Variants in IL1RAPL1 observed in about 807,000 individuals in gnomAD.
The protein encoded by IL1RAPL1 is interleukin-1 receptor accessory protein-like 1.
In IL1RAPL1, 3 loss-of-function variants were observed where a neutral mutation model predicts 48.4. That is an observed-to-expected ratio of 0.06 (90% CI 0.03 to 0.16). The LOEUF is 0.16. IL1RAPL1 is among the 10% of genes least tolerant of loss of function. The probability of loss-of-function intolerance (pLI) is 1.00; values close to 1 mark genes in which losing one functional copy is unlikely to be tolerated. For missense variants in IL1RAPL1, 349 were observed against 530.6 expected (o/e 0.66, Z 3.36); for synonymous variants, 185 against 187.7 (o/e 0.99, Z 0.12).
chrX:29,426,157 A>G (rs1478969553), intron 5 of IL1RAPL1, among the ~76,000 whole-genome samples: 1 of 112,098 alleles, frequency 8.9e-6, no homozygotes, highest in Non-Finnish European at 1.9e-5. Context: ...TGAAATGTAA[A>G]TAATTGAACT....
At chrX:29,877,788 C>G (rs1239488549) in intron 6 of IL1RAPL1, among the ~76,000 whole-genome samples, 1 of 111,467 alleles carries the variant, frequency 9.0e-6, no homozygotes, top group East Asian at 2.8e-4. Flanking sequence ...AAACAGGAAT[C>G]AAAACTGTTT....
intron 2 of IL1RAPL1, among the ~76,000 whole-genome samples, chrX:28,988,088 T>C (rs1052946871): frequency 4.5e-5 from 5 of 111,926 alleles, no homozygotes; most frequent in South Asian, 3.7e-4. Context: ...TTAAAGTTTT[T>C]GCATCACTTT....
At chrX:28,892,604 TAAAAC>T (rs1020366820) in intron 2 of IL1RAPL1, among the ~76,000 whole-genome samples, 27 of 110,810 alleles carry the variant, frequency 2.4e-4, no homozygotes, top group African/African-American at 4.6e-4. Context: ...ATAAGAAAAA[TAAAAC>T]AAAACAGTGT....
chrX:28,724,428 T>A (rs1935636467), intron 1 of IL1RAPL1, among the ~76,000 whole-genome samples: 1 of 111,397 alleles, frequency 9.0e-6, no homozygotes, highest in Non-Finnish European at 1.9e-5. Context: ...CCTGCCTTTT[T>A]TTTGTTTTCC....
intron 2 of IL1RAPL1, among the ~76,000 whole-genome samples, chrX:29,240,096 T>C (rs1245099836): frequency 1.9e-5 from 2 of 104,188 alleles, no homozygotes; most frequent in African/African-American, 7.2e-5. Context: ...CTATGTAGCC[T>C]AAAATATTCA....
Position 29,417,205 on chromosome X carries a change from G to C in IL1RAPL1, c.703+17897G>C, listed in dbSNP as rs1934228434. 2.7e-5 allele frequency among the ~76,000 whole-genome samples: 3 copies of C among 111,630 alleles called. No individual in the cohort carries two copies. The South Asian group carries it at 1.1e-3, about 41-fold the overall frequency. The stretch of plus-strand genomic sequence containing the variant: ...AAAACCAAGAGGTAACTCTTAACTT[G>C]CAATTGATGTAGATATTTTGTAACA... On this transcript the variant is annotated intron_variant, in intron 5 of 10. Coordinates refer to ENST00000378993, the MANE Select transcript of IL1RAPL1 (RefSeq NM_014271.4).
chrX:29,065,670 G>A lies in IL1RAPL1; in HGVS notation c.83-217268G>A, dbSNP rs751487682. 5.4e-5 allele frequency among the ~76,000 whole-genome samples: 6 copies of A among 111,646 alleles called. No individual in the cohort carries two copies. The South Asian group carries it at 2.2e-3, about 42-fold the overall frequency. ...ATTACGTGCATGTTGTGTGCTTAAT[G>A]GTTGCCCAACTTTCTGTGAGGCTCT... On this transcript the variant is annotated intron_variant, in intron 2 of 10. Transcript: ENST00000378993.
Position 28,996,646 on chromosome X carries a change from A to G in IL1RAPL1, c.82+207221A>G, listed in dbSNP as rs1159297726. On this transcript the variant is annotated intron_variant, in intron 2 of 10. Transcript: ENST00000378993. ...TGTGTGTGTGTGTGTGTGTGATACAATACACTGAACATAAAATGTACCATT... is the reference window on the plus strand; with the variant it reads ...TGTGTGTGTGTGTGTGTGTGATACAGTACACTGAACATAAAATGTACCATT... 2.7e-5 allele frequency among the ~76,000 whole-genome samples: 3 copies of G among 109,762 alleles called. No individual in the cohort carries two copies. The Admixed American group carries it at 2.9e-4, about 11-fold the overall frequency.
intron 2 of IL1RAPL1, among the ~76,000 whole-genome samples, chrX:28,826,914 A>G (rs918741674): frequency 9.0e-6 from 1 of 111,122 alleles, no homozygotes; most frequent in African/African-American, 3.3e-5. Flanking sequence ...TTCTTTGCAT[A>G]TTCAAGTAGT....
chrX:29,208,460 C>G lies in IL1RAPL1; in HGVS notation c.83-74478C>G, dbSNP rs191552370. 2.1e-3 allele frequency among the ~76,000 whole-genome samples: 233 copies of G among 110,690 alleles called. 2 individuals are homozygous for G. In the East Asian group the frequency reaches 0.037, roughly 17 times the overall value. On this transcript the variant is annotated intron_variant, in intron 2 of 10. Transcript: ENST00000378993. ...GGCACGGTGGCTCACGCCTGTAATCCCAGCACTTTGGGAGGCCGAGGTGGG... is the reference window on the plus strand; with the variant it reads ...GGCACGGTGGCTCACGCCTGTAATCGCAGCACTTTGGGAGGCCGAGGTGGG...
intron 3 of IL1RAPL1, among the ~76,000 whole-genome samples, chrX:29,302,311 G>A (rs1239030948): frequency 8.9e-6 from 1 of 111,974 alleles, no homozygotes; most frequent in East Asian, 2.8e-4. Flanking sequence ...AACGTTTAAT[G>A]TCTGATATGA....
intron 2 of IL1RAPL1, among the ~76,000 whole-genome samples, chrX:29,006,406 T>C (rs920350941): frequency 8.3e-5 from 9 of 108,609 alleles, no homozygotes; most frequent in Non-Finnish European, 1.5e-4. Flanking sequence ...CCCAGCTACT[T>C]GGGAGGCTGA....
chrX:29,390,366 G>C (rs1218407877), intron 3 of IL1RAPL1, among the ~76,000 whole-genome samples: 1 of 111,615 alleles, frequency 9.0e-6, no homozygotes, highest in Non-Finnish European at 1.9e-5. Flanking sequence ...AAAAAGGAAA[G>C]CTCATGACTT....
chrX:28,907,363 T>C (rs1923245240), intron 2 of IL1RAPL1, among the ~76,000 whole-genome samples: 1 of 112,040 alleles, frequency 8.9e-6, no homozygotes, highest in Non-Finnish European at 1.9e-5. Flanking sequence ...TGAGCGATTC[T>C]TGTGCTTCAG....
In IL1RAPL1 at chrX:29,442,137, TC is replaced by T. The variant is rs1471968892; in HGVS notation, c.703+42830del. 1.3e-4 allele frequency among the ~76,000 whole-genome samples: 14 copies of T among 111,911 alleles called. No homozygotes were observed. The East Asian group carries it at 3.9e-3, about 31-fold the overall frequency. On this transcript the variant is annotated intron_variant, in intron 5 of 10. Coordinates refer to ENST00000378993, the MANE Select transcript of IL1RAPL1 (RefSeq NM_014271.4). ...AGCAAAAAGAACAAATCTGGAGGCA[TC>T]ACACTGCCTGATTTCAAACTATACT...
chrX:28,917,289 G>A (rs1210323259), intron 2 of IL1RAPL1, among the ~76,000 whole-genome samples: 1 of 111,514 alleles, frequency 9.0e-6, no homozygotes, highest in Non-Finnish European at 1.9e-5. Context: ...ATTGTAGCAA[G>A]GGAAAATATT....
chrX:29,375,309 C>G (rs983679075), intron 3 of IL1RAPL1, among the ~76,000 whole-genome samples: 1 of 107,542 alleles, frequency 9.3e-6, no homozygotes, highest in Non-Finnish European at 1.9e-5. Context: ...TTACAGGCAC[C>G]CGCCGCCATG....
At chrX:29,373,480 T>C (rs1039243977) in intron 3 of IL1RAPL1, among the ~76,000 whole-genome samples, 6 of 111,733 alleles carry the variant, frequency 5.4e-5, no homozygotes, top group African/African-American at 2.0e-4. Context: ...AGAATGGGTA[T>C]CCTTGTCTTG....
intron 6 of IL1RAPL1, among the ~76,000 whole-genome samples, chrX:29,743,548 C>T (rs913480652): frequency 9.0e-6 from 1 of 111,464 alleles, no homozygotes. Context: ...TGCAGTGGCA[C>T]GATCTCAGCT....
Sources: allele counts gnomAD v4.1 joint callset (sites outside exome capture counted in the v4.1 genomes callset), GRCh38; gene constraint gnomAD v4.1.1; transcripts MANE v1.5; gene names NCBI Gene and HGNC (gene_info 2026-07-23, HGNC 2026-07-21).